Variants in CACNA2D3 observed in about 807,000 individuals in gnomAD.
CACNA2D3 encodes the protein calcium voltage-gated channel auxiliary subunit alpha2delta 3.
Under a neutral mutation model 160.6 loss-of-function variants are expected in CACNA2D3, and 60 were observed. That is an observed-to-expected ratio of 0.37 (90% CI 0.30 to 0.46). CACNA2D3 has a LOEUF of 0.46. Ranked by LOEUF, CACNA2D3 falls within the 20% of genes least tolerant of loss-of-function variation. CACNA2D3 has a pLI of 1.00. For synonymous variants in CACNA2D3, 558 were observed against 492.9 expected (o/e 1.13, Z -1.75); for missense variants, 1,205 against 1,365.0 (o/e 0.88, Z 1.85).
chr3:54,224,026 A>G (rs1162099715), intron 2 of CACNA2D3, among the ~76,000 whole-genome samples: 1 of 152,036 alleles, frequency 6.6e-6, no homozygotes, highest in Non-Finnish European at 1.5e-5. Context: ...TACTTACTGT[A>G]TATGCTTTTT....
intron 4 of CACNA2D3, among the ~76,000 whole-genome samples, chr3:54,429,498 A>C (rs1005769527): frequency 6.6e-6 from 1 of 152,068 alleles, no homozygotes; most frequent in Non-Finnish European, 1.5e-5. Context: ...TTTCGGCTAG[A>C]TCCTGTTTTC....
At chr3:54,320,676 A>G in intron 3 of CACNA2D3, 118 bp downstream of exon 3, 1 of 544,886 alleles carries the variant, frequency 1.8e-6, no homozygotes, top group Non-Finnish European at 3.2e-6. Flanking sequence ...TATTACGTAA[A>G]TACTTTTATT....
chr3:54,125,780 A>T (rs541178525), intron 2 of CACNA2D3, among the ~76,000 whole-genome samples: 1 of 152,316 alleles, frequency 6.6e-6, no homozygotes, highest in African/African-American at 2.4e-5. Flanking sequence ...ATGGGAGTAG[A>T]TCTGAGTGCT....
chr3:54,816,977 T>G, intron 14 of CACNA2D3, 107 bp downstream of exon 14: 1 of 1,313,754 alleles, frequency 7.6e-7, no homozygotes, highest in Non-Finnish European at 1.1e-6. Flanking sequence ...AAATGGTTTT[T>G]TTCCACAGCT....
At chr3:54,571,374 C>T (rs987587214) in intron 8 of CACNA2D3, among the ~76,000 whole-genome samples, 1 of 152,146 alleles carries the variant, frequency 6.6e-6, no homozygotes, top group Non-Finnish European at 1.5e-5. Flanking sequence ...CGGCCTGAAA[C>T]AGTCTCTCAG....
At chr3:54,689,985 G>A (rs1700543569) in intron 11 of CACNA2D3, among the ~76,000 whole-genome samples, 1 of 151,924 alleles carries the variant, frequency 6.6e-6, no homozygotes, top group Admixed American at 6.6e-5. Context: ...CTCCAGCCTG[G>A]ACAACCTCCT....
intron 11 of CACNA2D3, among the ~76,000 whole-genome samples, chr3:54,723,886 A>G (rs1337169589): frequency 1.3e-5 from 2 of 152,232 alleles, no homozygotes. Flanking sequence ...ACCAGCTAGC[A>G]TCATAATGAC....
chr3:54,361,790 A>G (rs748279067), intron 3 of CACNA2D3, among the ~76,000 whole-genome samples: 2 of 152,134 alleles, frequency 1.3e-5, no homozygotes, highest in African/African-American at 2.4e-5. Context: ...AAAGTTATCC[A>G]GAGAGAGAGA....
intron 3 of CACNA2D3, among the ~76,000 whole-genome samples, chr3:54,353,926 G>C (rs1182983015): frequency 6.6e-6 from 1 of 152,128 alleles, no homozygotes; most frequent in Admixed American, 6.5e-5. Flanking sequence ...GTTCTTCCTG[G>C]CAGGACGGCT....
chr3:54,804,417 C>A (rs192816192), intron 13 of CACNA2D3, among the ~76,000 whole-genome samples: 1 of 151,998 alleles, frequency 6.6e-6, no homozygotes, highest in Non-Finnish European at 1.5e-5. Context: ...TAGTCTCTGA[C>A]AAAACAGACT....
At chr3:54,439,567 G>T (rs1700111567) in intron 4 of CACNA2D3, among the ~76,000 whole-genome samples, 1 of 152,170 alleles carries the variant, frequency 6.6e-6, no homozygotes, top group African/African-American at 2.4e-5. Flanking sequence ...AGTGCTGGCA[G>T]TCCATGGGCT....
intron 31 of CACNA2D3, among the ~76,000 whole-genome samples, chr3:54,994,682 A>C (rs1702817936): frequency 6.6e-6 from 1 of 152,200 alleles, no homozygotes; most frequent in Non-Finnish European, 1.5e-5. Flanking sequence ...GCATTACCTT[A>C]ATTAATTCCC....
chr3:54,443,933 A>G (rs181564499), intron 4 of CACNA2D3, among the ~76,000 whole-genome samples: 2 of 151,832 alleles, frequency 1.3e-5, no homozygotes, highest in East Asian at 3.9e-4. Context: ...GCTTTTATTT[A>G]CTCTGATTCT....
At chr3:54,806,956 G>A (rs1442544391) in intron 13 of CACNA2D3, among the ~76,000 whole-genome samples, 1 of 152,194 alleles carries the variant, frequency 6.6e-6, no homozygotes, top group Admixed American at 6.5e-5. Context: ...AATGGGGAAA[G>A]GAATCCCTAC....
chr3:54,983,685 C>A (rs1484228089), intron 29 of CACNA2D3, among the ~76,000 whole-genome samples: 1 of 152,216 alleles, frequency 6.6e-6, no homozygotes, highest in Non-Finnish European at 1.5e-5. Flanking sequence ...TGTGCCTAAC[C>A]AAAACCACCC....
chr3:54,447,930 G>T (rs1700247690), intron 4 of CACNA2D3, among the ~76,000 whole-genome samples: 1 of 152,084 alleles, frequency 6.6e-6, no homozygotes, highest in African/African-American at 2.4e-5. Context: ...ACTAACAATA[G>T]AAAAACCCGT....
At chr3:54,279,704 T>G (rs557911242) in intron 2 of CACNA2D3, among the ~76,000 whole-genome samples, 1 of 152,208 alleles carries the variant, frequency 6.6e-6, no homozygotes, top group Admixed American at 6.5e-5. Flanking sequence ...GGCTTAGTCC[T>G]AATAATTGAA....
At chr3:54,687,145 T>TTTTTTTTTTTTTTTTTTTTTTTTG (rs1559549506) in intron 11 of CACNA2D3, among the ~76,000 whole-genome samples, 1 of 74,598 alleles carries the variant, frequency 1.3e-5, no homozygotes, top group Admixed American at 1.1e-4. Flanking sequence ...GTTTTTTTTT[T>TTTTTTTTTTTTTTTTTTTTTTTTG]TTTTTGTTTT....
At chr3:54,373,442 A>C (rs1435477018) in intron 3 of CACNA2D3, among the ~76,000 whole-genome samples, 1 of 152,108 alleles carries the variant, frequency 6.6e-6, no homozygotes, top group Non-Finnish European at 1.5e-5. Context: ...ACAGTTGAAA[A>C]CTGTGGTATG....
Sources: gnomAD v4.1 joint callset for allele counts (sites outside exome capture counted in the v4.1 genomes callset) on GRCh38, gnomAD v4.1.1 for gene constraint, MANE v1.5 for transcripts, NCBI Gene and HGNC (gene_info 2026-07-23, HGNC 2026-07-21) for gene names.